The following TMCC1 variants were observed in gnomAD, a reference collection of about 807,000 sequenced individuals.
TMCC1 encodes the protein transmembrane and coiled-coil domains protein 1.
In TMCC1, 15 loss-of-function variants were observed where a neutral mutation model predicts 52.4. The ratio of observed to expected loss-of-function variants is 0.29; its 90% confidence interval spans 0.19 to 0.44. The LOEUF is 0.44. Ranked by LOEUF, TMCC1 falls within the 20% of genes least tolerant of loss-of-function variation. The pLI is 1.00. For missense variants in TMCC1, 503 were observed against 806.0 expected (o/e 0.62, Z 4.55); for synonymous variants, 279 against 301.9 (o/e 0.92, Z 0.79).
chr3:129,659,247 G>A (rs2086868729), intron 5 of TMCC1, among the ~76,000 whole-genome samples: 1 of 151,306 alleles, frequency 6.6e-6, no homozygotes, highest in Non-Finnish European at 1.5e-5. Flanking sequence ...CTACTGACAT[G>A]CACCACCAAG....
At chr3:129,726,738 G>A (rs773930811) in intron 4 of TMCC1, among the ~76,000 whole-genome samples, 22 of 151,016 alleles carry the variant, frequency 1.5e-4, no homozygotes, top group South Asian at 1.3e-3. Context: ...AATTAGCTGG[G>A]TGAGGTGGCG....
At chr3:129,682,511 C>T (rs2089075132) in intron 4 of TMCC1, among the ~76,000 whole-genome samples, 2 of 151,922 alleles carry the variant, frequency 1.3e-5, no homozygotes, top group East Asian at 1.9e-4. Context: ...AAGCTCAGTC[C>T]CCTGCCTCCC....
intron 4 of TMCC1, among the ~76,000 whole-genome samples, chr3:129,817,039 G>C (rs1198973470): frequency 6.6e-6 from 1 of 151,440 alleles, no homozygotes; most frequent in Non-Finnish European, 1.5e-5. Context: ...AAAGAAAAAA[G>C]AAAAAGACAA....
intron 4 of TMCC1, among the ~76,000 whole-genome samples, chr3:129,749,263 C>T (rs1186994300): frequency 6.6e-6 from 1 of 152,014 alleles, no homozygotes; most frequent in Non-Finnish European, 1.5e-5. Context: ...TTCTCAGATA[C>T]CAATTACGAA....
chr3:129,787,123 T>C (rs1560418339), intron 4 of TMCC1, among the ~76,000 whole-genome samples: 1 of 152,212 alleles, frequency 6.6e-6, no homozygotes, highest in South Asian at 2.1e-4. Flanking sequence ...AATCACCATA[T>C]GTTTTATATC....
At chr3:129,767,084 A>G (rs890920240) in intron 4 of TMCC1, among the ~76,000 whole-genome samples, 4 of 151,912 alleles carry the variant, frequency 2.6e-5, no homozygotes, top group Non-Finnish European at 5.9e-5. Flanking sequence ...CAACAAGGTG[A>G]AACCCTGTCT....
chr3:129,687,405 A>T (rs1013499832), intron 4 of TMCC1, among the ~76,000 whole-genome samples: 14 of 152,276 alleles, frequency 9.2e-5, no homozygotes, highest in African/African-American at 3.4e-4. Context: ...AACACTTATT[A>T]AAGAATCCAG....
intron 2 of TMCC1, among the ~76,000 whole-genome samples, chr3:129,836,860 G>T (rs559328429): frequency 1.1e-4 from 16 of 152,208 alleles, no homozygotes; most frequent in Non-Finnish European, 1.8e-4. Flanking sequence ...AATGCAGGGG[G>T]AAGCAGAGAG....
At chr3:129,829,705 A>C (rs563526203) in intron 3 of TMCC1, among the ~76,000 whole-genome samples, 1 of 152,302 alleles carries the variant, frequency 6.6e-6, no homozygotes, top group South Asian at 2.1e-4. Flanking sequence ...CTACCAATGA[A>C]GCACCATGGT....
At chr3:129,800,255 G>A (rs2057101192) in intron 4 of TMCC1, among the ~76,000 whole-genome samples, 1 of 152,026 alleles carries the variant, frequency 6.6e-6, no homozygotes, top group Non-Finnish European at 1.5e-5. Context: ...AATCTATGCT[G>A]TATCTATTTT....
intron 4 of TMCC1, among the ~76,000 whole-genome samples, chr3:129,825,794 C>T (rs1301080176): frequency 6.6e-6 from 1 of 152,186 alleles, no homozygotes; most frequent in Non-Finnish European, 1.5e-5. Context: ...GAGGGACTGA[C>T]TGCAGCCAAG....
intron 4 of TMCC1, among the ~76,000 whole-genome samples, chr3:129,806,035 TGTAA>T (rs1308523539): frequency 2.0e-5 from 3 of 152,200 alleles, no homozygotes; most frequent in African/African-American, 7.2e-5. Flanking sequence ...ACGTAAGTAA[TGTAA>T]GTGTCATTTT....
intron 4 of TMCC1, among the ~76,000 whole-genome samples, chr3:129,730,596 G>T (rs2050462282): frequency 6.6e-6 from 1 of 152,088 alleles, no homozygotes; most frequent in South Asian, 2.1e-4. Flanking sequence ...AATAATTCAC[G>T]TAACTTTATT....
intron 2 of TMCC1, among the ~76,000 whole-genome samples, chr3:129,842,892 C>T (rs1237580268): frequency 6.6e-6 from 1 of 152,052 alleles, no homozygotes; most frequent in African/African-American, 2.4e-5. Flanking sequence ...AAAATACTTG[C>T]AAAGTAAACA....
chr3:129,712,988 G>A lies in TMCC1; in HGVS notation c.577-41724C>T, dbSNP rs192925277. On this transcript the variant is annotated intron_variant, in intron 4 of 6. Transcript: ENST00000393238. ...TTTAAGAGACAACTGAAGGCTGGGC[G>A]TGGTGGCTCACACCAGTAATCCCAG... Among the ~76,000 whole-genome samples the A allele has an allele frequency of 6.4e-3, 968 of 152,238 alleles. 2 individuals carry two copies. Among genetic ancestry groups the A allele is most frequent in the Non-Finnish European group, 0.011 (722 of 68,010 alleles).
chr3:129,774,973 T>C (rs1350469645), intron 4 of TMCC1, among the ~76,000 whole-genome samples: 1 of 152,060 alleles, frequency 6.6e-6, no homozygotes, highest in African/African-American at 2.4e-5. Context: ...GCATCCAGAA[T>C]GAATTAGACA....
At chr3:129,800,503 T>C (rs754667014) in intron 4 of TMCC1, among the ~76,000 whole-genome samples, 10 of 152,140 alleles carry the variant, frequency 6.6e-5, no homozygotes, top group Non-Finnish European at 1.5e-4. Flanking sequence ...TTTTTTTTAA[T>C]TGGATCCATT....
At chr3:129,742,428 C>T (rs1389559672) in intron 4 of TMCC1, among the ~76,000 whole-genome samples, 2 of 151,972 alleles carry the variant, frequency 1.3e-5, no homozygotes, top group African/African-American at 2.4e-5. Context: ...ACAGTTCTTC[C>T]AAGATGATTA....
chr3:129,705,578 T>C (rs1204462971), intron 4 of TMCC1, among the ~76,000 whole-genome samples: 3 of 152,104 alleles, frequency 2.0e-5, no homozygotes, highest in East Asian at 3.8e-4. Context: ...TTGGCCTGAC[T>C]TCTTTATACT....
Sources: gnomAD v4.1 joint callset for allele counts (sites outside exome capture counted in the v4.1 genomes callset) on GRCh38, gnomAD v4.1.1 for gene constraint, MANE v1.5 for transcripts, NCBI Gene and HGNC (gene_info 2026-07-23, HGNC 2026-07-21) for gene names.